The following KIRREL1 variants were observed in gnomAD, a reference collection of about 807,000 sequenced individuals.
KIRREL1 encodes kin of IRRE-like protein 1.
In KIRREL1, 25 loss-of-function variants were observed where a neutral mutation model predicts 83.3. The observed-to-expected ratio is 0.30, with a 90% confidence interval of 0.22 to 0.42. The LOEUF (loss-of-function observed/expected upper bound fraction) is 0.42, where lower values mean the gene tolerates loss of function less well. Ranked by LOEUF, KIRREL1 falls within the 10% of genes least tolerant of loss-of-function variation. KIRREL1 has a pLI of 1.00. For synonymous variants in KIRREL1, 388 were observed against 410.4 expected (o/e 0.95, Z 0.66); for missense variants, 812 against 1,032.3 (o/e 0.79, Z 2.92).
chr1:158,045,482 C>T (rs947907100), intron 1 of KIRREL1, among the ~76,000 whole-genome samples: 3 of 152,180 alleles, frequency 2.0e-5, no homozygotes, highest in African/African-American at 7.2e-5. Flanking sequence ...AAGTGCTATA[C>T]TATTACAGTT....
chr1:158,067,747 C>T (rs914547258), intron 1 of KIRREL1, among the ~76,000 whole-genome samples: 4 of 152,184 alleles, frequency 2.6e-5, no homozygotes, highest in African/African-American at 4.8e-5. Context: ...GGGCTGATCC[C>T]GCTTGCATTT....
chr1:158,060,591 C>T (rs969879360), intron 1 of KIRREL1, among the ~76,000 whole-genome samples: 3 of 152,160 alleles, frequency 2.0e-5, no homozygotes, highest in Non-Finnish European at 4.4e-5. Context: ...AGAGGACTCT[C>T]GACCCATTCC....
intron 1 of KIRREL1, among the ~76,000 whole-genome samples, chr1:158,071,516 C>T (rs984953236): frequency 1.3e-5 from 2 of 152,228 alleles, no homozygotes; most frequent in African/African-American, 2.4e-5. Context: ...ACACTTAAAA[C>T]ATACGCGCAG....
chr1:158,062,891 C>T (rs1456010312), intron 1 of KIRREL1, among the ~76,000 whole-genome samples: 1 of 152,222 alleles, frequency 6.6e-6, no homozygotes, highest in Non-Finnish European at 1.5e-5. Flanking sequence ...TCCATTCTCT[C>T]CATAGCCCAG....
In KIRREL1 at chr1:158,094,738, C is replaced by G; in HGVS notation, c.1892C>G (p.Ala631Gly). Residue 631 changes from alanine (A) to glycine (G), a missense_variant, in exon 15 of 15, where the codon GCC becomes GGC. By Grantham distance (60) the Ala-to-Gly change is moderately conservative. This residue lies in a region of KIRREL1 where 334 missense variants were observed against 383.7 expected (regional missense o/e 0.87). Coordinates refer to ENST00000359209, the MANE Select transcript of KIRREL1 (RefSeq NM_018240.7). The surrounding 1 kb of genome is among the most constrained non-coding windows in gnomAD (Gnocchi z 4.6). ...GCTGACTACCGTGCCCCTGGCCCTGCCCGCTTCGACGGCCGCCCCTCATCC... is the reference window on the plus strand; with the variant it reads ...GCTGACTACCGTGCCCCTGGCCCTGGCCGCTTCGACGGCCGCCCCTCATCC... ...LYADYRAPGPARFDGRPSSRL... is the reference protein window; with the variant it reads ...LYADYRAPGPGRFDGRPSSRL... 1 of 1,613,660 alleles carries G rather than the reference C, an allele frequency of 6.2e-7. No homozygotes were observed. Among genetic ancestry groups the G allele is most frequent in the South Asian group, 1.1e-5 (1 of 91,076 alleles).
chr1:158,003,450 C>A (rs1350183627), intron 1 of KIRREL1, among the ~76,000 whole-genome samples: 1 of 152,162 alleles, frequency 6.6e-6, no homozygotes, highest in Non-Finnish European at 1.5e-5. Context: ...AATTGACTTG[C>A]TCCTCTTTGT....
Position 158,096,520 on chromosome 1 carries a change from A to G in KIRREL1, c.*1400A>G. The G allele has an allele frequency of 2.2e-6, 1 of 455,262 alleles. No individual in the cohort carries two copies. The highest frequency in any genetic ancestry group is 1.6e-5 in the South Asian group (1 of 64,338). 28.2% of individuals were successfully genotyped at this position (455,262 alleles called of 1,614,324 possible). ...CACTGTTAAGTGTTACAGTGTTAGG[A>G]GAGAGATGGGTGAGGGGACCTGGAG... On this transcript the variant is annotated 3_prime_UTR_variant, in exon 15 of 15. Transcript: ENST00000359209.
intron 1 of KIRREL1, among the ~76,000 whole-genome samples, chr1:158,027,533 G>A (rs1481570174): frequency 6.6e-6 from 1 of 152,198 alleles, no homozygotes; most frequent in African/African-American, 2.4e-5. Context: ...TGGTTTGTCT[G>A]GTGAACACCT....
chr1:158,002,854 C>G (rs1056176145), intron 1 of KIRREL1, among the ~76,000 whole-genome samples: 5 of 152,076 alleles, frequency 3.3e-5, no homozygotes, highest in African/African-American at 1.2e-4. Context: ...GATTGTACCC[C>G]CTGCTCCGGA....
chr1:158,014,906 T>G (rs1244715474), intron 1 of KIRREL1, among the ~76,000 whole-genome samples: 4 of 152,096 alleles, frequency 2.6e-5, no homozygotes, highest in Non-Finnish European at 4.4e-5. Flanking sequence ...TTCCGGTGCT[T>G]TACTGGGACT....
intron 1 of KIRREL1, among the ~76,000 whole-genome samples, chr1:158,033,797 T>C (rs1345499509): frequency 6.6e-6 from 1 of 151,212 alleles, no homozygotes; most frequent in East Asian, 2.0e-4. Context: ...CTGGCCAACA[T>C]GGTGAAACCC....
chr1:158,033,552 T>C (rs563098091), intron 1 of KIRREL1, among the ~76,000 whole-genome samples: 1 of 152,364 alleles, frequency 6.6e-6, no homozygotes, highest in South Asian at 2.1e-4. Context: ...TTGCAGCTCA[T>C]TTTATTGCTC....
In KIRREL1 at chr1:158,084,427, C is replaced by A; in HGVS notation, c.358C>A (p.Pro120Thr). Residue 120 changes from proline to threonine, a missense_variant, in exon 4 of 15, where the codon CCA becomes ACA. This residue lies in a region of KIRREL1 where 472 missense variants were observed against 626.8 expected (regional missense o/e 0.75). Transcript: ENST00000359209. ...TGCTCTGCTTTCTCCCACAGTCCCC[C>A]CAGAGGACACCAGGATTGACGGAGG... ...RRAKLTVLIP[P>T]EDTRIDGGPV... The A allele has an allele frequency of 1.3e-6, 2 of 1,551,608 alleles. No homozygotes were observed. Among genetic ancestry groups the A allele is most frequent in the South Asian group, 1.2e-5 (1 of 84,000 alleles).
chr1:158,052,976 G>T (rs1044981889), intron 1 of KIRREL1, among the ~76,000 whole-genome samples: 9 of 152,108 alleles, frequency 5.9e-5, no homozygotes, highest in African/African-American at 2.2e-4. Context: ...ACCAGCTCAT[G>T]TGTGAACTAA....
intron 1 of KIRREL1, among the ~76,000 whole-genome samples, chr1:158,004,444 T>A (rs1289722607): frequency 6.6e-6 from 1 of 152,090 alleles, no homozygotes; most frequent in Non-Finnish European, 1.5e-5. Flanking sequence ...CAGTGGGAGC[T>A]TTAGGAGGCA....
At chr1:158,075,909 C>T (rs965176228) in intron 1 of KIRREL1, among the ~76,000 whole-genome samples, 2 of 152,204 alleles carry the variant, frequency 1.3e-5, no homozygotes, top group African/African-American at 2.4e-5. Context: ...AATCCATTCC[C>T]ATGGGTCTCA....
chr1:158,094,845 C>G lies in KIRREL1; in HGVS notation c.1999C>G (p.Pro667Ala). 1 of 1,613,880 alleles carries G rather than the reference C, an allele frequency of 6.2e-7. No homozygotes were observed. Among genetic ancestry groups the G allele is most frequent in the Non-Finnish European group, 8.5e-7 (1 of 1,179,900 alleles). ...PASDYGPEPTPPGPAAPAGTD... is the reference protein window; with the variant it reads ...PASDYGPEPTAPGPAAPAGTD... ...CTCTGACTATGGCCCTGAGCCCACA[C>G]CCCCTGGCCCTGCTGCCCCAGCTGG... The change falls in exon 15 of 15, where the codon CCC (proline) becomes GCC (alanine). Residue 667 changes from proline to alanine, a missense_variant. Physicochemically the swap from Pro to Ala is conservative, Grantham distance 27. This residue lies in a region of KIRREL1 where 334 missense variants were observed against 383.7 expected (regional missense o/e 0.87). Coordinates refer to ENST00000359209, the MANE Select transcript of KIRREL1 (RefSeq NM_018240.7). This position sits in a 1 kb window ranked among gnomAD's most constrained non-coding sequence, Gnocchi z 4.6.
At chr1:158,069,972 ACCTCTCT>A (rs1210409397) in intron 1 of KIRREL1, among the ~76,000 whole-genome samples, 1 of 151,944 alleles carries the variant, frequency 6.6e-6, no homozygotes, top group East Asian at 1.9e-4. Flanking sequence ...AATCACCAAA[ACCTCTCT>A]GGATGCTGTT....
At chr1:158,077,063 G>A (rs1661699865) in intron 2 of KIRREL1, among the ~76,000 whole-genome samples, 1 of 152,218 alleles carries the variant, frequency 6.6e-6, no homozygotes, top group Admixed American at 6.5e-5. Context: ...AGCCAAATGG[G>A]AGAAGAGATT....
Sources: gnomAD v4.1 joint callset for allele counts (sites outside exome capture counted in the v4.1 genomes callset) on GRCh38, gnomAD v4.1.1 for gene constraint, gnomAD v4.1.1 regional missense constraint, Gnocchi (gnomAD v3.1) non-coding constraint, MANE v1.5 for transcripts, NCBI Gene and HGNC (gene_info 2026-07-23, HGNC 2026-07-21) for gene names.